The following CPEB3 variants were observed in gnomAD, a reference collection of about 807,000 sequenced individuals.
The protein encoded by CPEB3 is cytoplasmic polyadenylation element binding protein 3, also known as cytoplasmic polyadenylation element-binding protein 3.
CPEB3 carries 20 observed loss-of-function variants against 67.2 expected under a neutral mutation model. The ratio of observed to expected loss-of-function variants is 0.30; its 90% CI spans 0.21 to 0.43. The LOEUF (loss-of-function observed/expected upper bound fraction) is 0.43, where lower values mean the gene tolerates loss of function less well. Among genes scored for constraint, CPEB3 ranks in the 20% least tolerant of loss-of-function variants. The pLI is 1.00. For synonymous variants in CPEB3, 376 were observed against 393.1 expected (o/e 0.96, Z 0.51); for missense variants, 746 against 968.6 (o/e 0.77, Z 3.05).
chr10:92,249,377 C>CAAAAAA lies in CPEB3; in HGVS notation c.-11-9022_-11-9017dup, dbSNP rs59237572. 4.0e-4 allele frequency among the ~76,000 whole-genome samples: 48 copies of CAAAAAA among 120,690 alleles called. 1 individual carries two copies. The East Asian group carries it at 8.4e-3, about 21-fold the overall frequency. 79.2% of individuals were successfully genotyped at this position (120,690 alleles called of 152,430 possible). A position where few individuals can be genotyped will look rare whatever the true frequency, so the allele number is the denominator to read the frequency against. On this transcript the variant is annotated intron_variant, in intron 1 of 9. Coordinates refer to ENST00000265997, the MANE Select transcript of CPEB3 (RefSeq NM_014912.5). ...CTGGTGACAGAGCGAGACTCCGTCT[C>CAAAAAA]AAAAAAAAAAAAAAAAATTATAGCA...
chr10:92,179,073 T>C (rs1848352135), intron 4 of CPEB3, among the ~76,000 whole-genome samples: 1 of 152,142 alleles, frequency 6.6e-6, no homozygotes, highest in Non-Finnish European at 1.5e-5. Flanking sequence ...ACATTTGTTA[T>C]AGGTATCAGC....
chr10:92,082,933 C>G (rs1157529550), intron 8 of CPEB3, among the ~76,000 whole-genome samples: 1 of 152,166 alleles, frequency 6.6e-6, no homozygotes, highest in Admixed American at 6.5e-5. Flanking sequence ...AGCAGCACAA[C>G]TCTTCTCTTC....
chr10:92,192,427 AT>A, intron 3 of CPEB3, 49 bp downstream of exon 3: 1 of 1,523,478 alleles, frequency 6.6e-7, no homozygotes, highest in Non-Finnish European at 8.9e-7. Flanking sequence ...TAAAAAGCTG[AT>A]TTTTGCTTAA....
intron 2 of CPEB3, among the ~76,000 whole-genome samples, chr10:92,220,285 T>C (rs546997621): frequency 6.6e-6 from 1 of 152,330 alleles, no homozygotes; most frequent in African/African-American, 2.4e-5. Context: ...ATTAGCACAA[T>C]TAATCTGTCT....
chr10:92,052,918 A>G (rs1383406298), intron 9 of CPEB3, among the ~76,000 whole-genome samples: 1 of 152,216 alleles, frequency 6.6e-6, no homozygotes, highest in Non-Finnish European at 1.5e-5. Context: ...AGGAGGAGGC[A>G]GGCACATCCT....
At chr10:92,259,937 T>A (rs1300484177) in intron 1 of CPEB3, among the ~76,000 whole-genome samples, 1 of 152,178 alleles carries the variant, frequency 6.6e-6, no homozygotes, top group African/African-American at 2.4e-5. Flanking sequence ...AAACATAAAC[T>A]TAGGTGACTT....
intron 2 of CPEB3, among the ~76,000 whole-genome samples, chr10:92,212,960 G>T (rs1160775617): frequency 1.3e-5 from 2 of 152,066 alleles, no homozygotes; most frequent in Non-Finnish European, 2.9e-5. Context: ...CTTTTCAAAT[G>T]TGCCACTAGA....
intron 9 of CPEB3, among the ~76,000 whole-genome samples, chr10:92,079,061 GA>G (rs889427412): frequency 1.8e-4 from 28 of 152,160 alleles, no homozygotes; most frequent in South Asian, 6.2e-4. Context: ...CTTTAGAGGA[GA>G]AAAAAGAAAG....
intron 2 of CPEB3, among the ~76,000 whole-genome samples, chr10:92,221,920 C>T (rs758962327): frequency 6.6e-6 from 1 of 152,136 alleles, no homozygotes; most frequent in Non-Finnish European, 1.5e-5. Flanking sequence ...AAGCAGAGAA[C>T]GAGCCTTTAC....
intron 2 of CPEB3, among the ~76,000 whole-genome samples, chr10:92,200,267 G>A (rs184622329): frequency 4.0e-4 from 60 of 151,864 alleles, no homozygotes; most frequent in African/African-American, 1.2e-3. Flanking sequence ...CATACAGGCC[G>A]GGCACGGTGG....
chr10:92,076,313 C>CT (rs2133174314), intron 9 of CPEB3: 1 of 152,306 alleles, frequency 6.6e-6, no homozygotes, highest in African/African-American at 2.4e-5. Context: ...CTGAAGTTCT[C>CT]TATAGAGTCC....
intron 8 of CPEB3, among the ~76,000 whole-genome samples, chr10:92,084,452 C>A (rs1590099982): frequency 1.3e-5 from 2 of 152,222 alleles, no homozygotes; most frequent in Non-Finnish European, 2.9e-5. Context: ...TTAGGTCTCA[C>A]TTAAGTGAAG....
rs574784165 is a variant in CPEB3, at chr10:92,225,766, T to C, written c.1005+13580A>G. Among the ~76,000 whole-genome samples, 19 of 152,230 alleles carry C rather than the reference T, an allele frequency of 1.2e-4. No individual in the cohort carries two copies. In the East Asian group the frequency reaches 2.7e-3, roughly 22 times the overall value. Reference sequence around the variant, plus strand: ...AAAAAGAAATAATTAACAGAAAATATACCAAAACATTAAGAGTATTTGAAT... The same window carrying C: ...AAAAAGAAATAATTAACAGAAAATACACCAAAACATTAAGAGTATTTGAAT... On this transcript the variant is annotated intron_variant, in intron 2 of 9. Transcript: ENST00000265997.
intron 2 of CPEB3, among the ~76,000 whole-genome samples, chr10:92,215,951 T>C (rs1850358676): frequency 6.7e-6 from 1 of 149,404 alleles, no homozygotes; most frequent in African/African-American, 2.4e-5. Context: ...GGTTTCACCA[T>C]GTTGGCCAGG....
chr10:92,107,264 A>G (rs1443643958), intron 7 of CPEB3, among the ~76,000 whole-genome samples: 1 of 152,230 alleles, frequency 6.6e-6, no homozygotes, highest in Admixed American at 6.5e-5. Flanking sequence ...CCACATAAGC[A>G]TACTTTAGTT....
At chr10:92,214,488 AT>A (rs879681868) in intron 2 of CPEB3, among the ~76,000 whole-genome samples, 94 of 147,624 alleles carry the variant, frequency 6.4e-4, no homozygotes, top group African/African-American at 1.6e-3. Context: ...ATACCACTCA[AT>A]TTTTTTTTTT....
chr10:92,065,383 G>GCC (rs763524077), intron 9 of CPEB3, among the ~76,000 whole-genome samples: 3 of 152,092 alleles, frequency 2.0e-5, no homozygotes, highest in Non-Finnish European at 2.9e-5. Context: ...ACCATGCCTG[G>GCC]CTAATTTTTG....
At chr10:92,060,876 A>C (rs1842315864) in intron 9 of CPEB3, among the ~76,000 whole-genome samples, 3 of 152,240 alleles carry the variant, frequency 2.0e-5, no homozygotes, top group Non-Finnish European at 4.4e-5. Context: ...AATGCTGGTA[A>C]GGATGTAGAG....
At chr10:92,186,616 G>A (rs1457415122) in intron 3 of CPEB3, among the ~76,000 whole-genome samples, 1 of 151,944 alleles carries the variant, frequency 6.6e-6, no homozygotes, top group Non-Finnish European at 1.5e-5. Flanking sequence ...CGTATTTTTA[G>A]TAGAGGCAGG....
Sources: allele counts gnomAD v4.1 joint callset (sites outside exome capture counted in the v4.1 genomes callset), GRCh38; gene constraint gnomAD v4.1.1; transcripts MANE v1.5; gene names NCBI Gene and HGNC (gene_info 2026-07-23, HGNC 2026-07-21).